Variants in FDFT1 observed in about 807,000 individuals in gnomAD.
The protein encoded by FDFT1 is farnesyl-diphosphate farnesyltransferase 1.
Under a neutral mutation model 46.8 loss-of-function variants are expected in FDFT1, and 68 were observed. The observed-to-expected ratio is 1.45, with a 90% confidence interval of 1.19 to 1.78. The LOEUF (loss-of-function observed/expected upper bound fraction) is 1.78, where lower values mean the gene tolerates loss of function less well. FDFT1 is among the 40% of genes most tolerant of loss of function. The pLI is 0.00. For missense variants in FDFT1, 928 were observed against 524.4 expected, an observed-to-expected ratio of 1.77 and a Z score of -7.52; for synonymous variants, 351 against 185.1, an observed-to-expected ratio of 1.90 and a Z score of -7.28.
chr8:11,836,935 G>A (rs753702315), intron 7 of FDFT1, among the ~76,000 whole-genome samples: 2 of 152,258 alleles, frequency 1.3e-5, no homozygotes, highest in African/African-American at 4.8e-5. Flanking sequence ...GGCTAGGCTG[G>A]AGATAAAAAG....
At chr8:11,815,211 A>G (rs150001620) in intron 3 of FDFT1, among the ~76,000 whole-genome samples, 21,817 of 151,988 alleles carry the variant, frequency 0.14, 1,719 homozygotes, top group African/African-American at 0.18. Flanking sequence ...TCCTTTTTTT[A>G]TGGCTGTGTA....
chr8:11,826,190 G>T lies in FDFT1; in HGVS notation c.677G>T (p.Gly226Val). The change falls in exon 5 of 8, where the codon GGA (glycine) becomes GTA (valine). Residue 226 changes from glycine to valine, a missense_variant. Physicochemically the swap from Gly to Val is moderately radical, Grantham distance 109 (BLOSUM62 -3). Transcript: ENST00000220584. ...IIRDYLEDQQ[G>V]GREFWPQEVW... Reference sequence around the variant, plus strand: ...CGTGACTATCTGGAAGACCAGCAAGGAGGAAGAGAGTTCTGGCCTCAAGAG... The same window carrying T: ...CGTGACTATCTGGAAGACCAGCAAGTAGGAAGAGAGTTCTGGCCTCAAGAG... The T allele has an allele frequency of 6.4e-7, 1 of 1,572,830 alleles. No homozygotes were observed. Among genetic ancestry groups the T allele is most frequent in the Non-Finnish European group, 8.7e-7 (1 of 1,149,904 alleles).
chr8:11,818,943 A>G (rs1313186114), intron 3 of FDFT1, among the ~76,000 whole-genome samples: 1 of 152,158 alleles, frequency 6.6e-6, no homozygotes. Context: ...GTTTCTTCCT[A>G]GCCTCGATGG....
chr8:11,836,702 T>C (rs1231039790), intron 7 of FDFT1, among the ~76,000 whole-genome samples: 6 of 152,260 alleles, frequency 3.9e-5, no homozygotes, highest in Non-Finnish European at 8.8e-5. Context: ...TCTAATAGAA[T>C]TATCTCATCA....
upstream of FDFT1, among the ~76,000 whole-genome samples, chr8:11,801,108 C>T (rs1177722998): frequency 6.6e-6 from 1 of 152,040 alleles, no homozygotes; most frequent in Non-Finnish European, 1.5e-5. Context: ...TCGAGGGGCA[C>T]AGGAGTTAGT....
intron 5 of FDFT1, among the ~76,000 whole-genome samples, chr8:11,828,679 G>A (rs1225549600): frequency 1.3e-5 from 2 of 152,196 alleles, no homozygotes; most frequent in Admixed American, 1.3e-4. Context: ...ACCACACGGT[G>A]GTGGTGTGAA....
Position 11,834,838 on chromosome 8 carries a change from A to G in FDFT1, c.1032+3168A>G, listed in dbSNP as rs533873794. 5.3e-5 allele frequency among the ~76,000 whole-genome samples: 8 copies of G among 152,276 alleles called. 1 individual carries two copies. In the South Asian group the frequency reaches 1.7e-3, roughly 32 times the overall value. On this transcript the variant is annotated intron_variant, in intron 7 of 7. Transcript: ENST00000220584. Reference sequence around the variant, plus strand: ...TTATAGGAGCCTGTGTCATTTAATCATCAAGCCTCGCACTGTGGCTCACAC... The same window carrying G: ...TTATAGGAGCCTGTGTCATTTAATCGTCAAGCCTCGCACTGTGGCTCACAC...
rs575830413 is a variant in FDFT1, at chr8:11,836,333, T to G, written c.1033-2055T>G. ...GCCACTCATCTTGGCCTTCGGCCAC[T>G]GCTGTAGCAACCAGTTTCCAAGTAG... On this transcript the variant is annotated intron_variant, in intron 7 of 7. Coordinates refer to ENST00000220584, the MANE Select transcript of FDFT1 (RefSeq NM_004462.5). Among the ~76,000 whole-genome samples, 238 of 152,358 alleles carry G rather than the reference T, an allele frequency of 1.6e-3. 2 individuals carry two copies. Among genetic ancestry groups the G allele is most frequent in the African/African-American group, 5.6e-3 (234 of 41,580 alleles).
intron 4 of FDFT1, 70 bp downstream of exon 4, chr8:11,821,948 A>C: frequency 5.7e-5 from 88 of 1,554,508 alleles, no homozygotes; most frequent in Non-Finnish European, 6.8e-5. Flanking sequence ...AGTGAAGCTC[A>C]GAACAAGAAA....
In FDFT1 at chr8:11,838,608, G is replaced by T; in HGVS notation, c.1253G>T (p.Ter418LeuextTer6). The change falls in exon 8 of 8, where the codon TGA (stop) becomes TTA (leucine). Residue 418 changes from the stop codon to leucine, a stop_lost. Coordinates refer to ENST00000220584, the MANE Select transcript of FDFT1 (RefSeq NM_004462.5). ...GACTATGTTCAGACTGGAGAACACT[G>T]ATCCCAAATTTGTCCATAGCTGAAG... is the stretch of plus-strand genomic sequence containing the variant. ...TEDYVQTGEH[*>L] The T allele has an allele frequency of 6.2e-7, 1 of 1,611,588 alleles. No individual in the cohort carries two copies. Among genetic ancestry groups the T allele is most frequent in the Non-Finnish European group, 8.5e-7 (1 of 1,177,678 alleles).
chr8:11,814,070 T>G (rs1156965643), intron 3 of FDFT1, among the ~76,000 whole-genome samples: 1 of 152,198 alleles, frequency 6.6e-6, no homozygotes. Flanking sequence ...GAGTCTAAGC[T>G]CCTTCCCACC....
chr8:11,814,300 G>GTTTTT (rs368859890), intron 3 of FDFT1, among the ~76,000 whole-genome samples: 1 of 138,004 alleles, frequency 7.2e-6, no homozygotes, highest in African/African-American at 2.7e-5. Flanking sequence ...GATTTTATAG[G>GTTTTT]TTTTTTTTTT....
chr8:11,803,950 TATTTG>T (rs1158393020), intron 1 of FDFT1: 1 of 152,410 alleles, frequency 6.6e-6, no homozygotes, highest in East Asian at 1.9e-4. Flanking sequence ...GGTGCTACAT[TATTTG>T]AATTATTTTG....
intron 6 of FDFT1, among the ~76,000 whole-genome samples, chr8:11,831,277 T>G (rs1585995044): frequency 6.6e-6 from 1 of 152,254 alleles, no homozygotes; most frequent in Non-Finnish European, 1.5e-5. Flanking sequence ...GGAACTTTTG[T>G]GGCTACATTA....
chr8:11,832,662 T>TC (rs1285748136), intron 7 of FDFT1, among the ~76,000 whole-genome samples: 1 of 147,252 alleles, frequency 6.8e-6, no homozygotes, highest in African/African-American at 2.5e-5. Context: ...TTTGCTCCCC[T>TC]CCCCCCAGAG....
chr8:11,835,053 G>GGT (rs1250811517), intron 7 of FDFT1, among the ~76,000 whole-genome samples: 8 of 152,212 alleles, frequency 5.3e-5, no homozygotes, highest in Admixed American at 3.9e-4. Context: ...GAACTCGGGA[G>GGT]GTGGAGGTTG....
chr8:11,819,214 T>A (rs1808882335), intron 3 of FDFT1, among the ~76,000 whole-genome samples: 2 of 152,348 alleles, frequency 1.3e-5, no homozygotes, highest in South Asian at 4.1e-4. Context: ...TGCTGAGAGA[T>A]CTGCTGTTAG....
chr8:11,801,814 C>G (rs867434280), upstream of FDFT1: 3 of 374,938 alleles, frequency 8.0e-6, no homozygotes, highest in African/African-American at 6.4e-5. Context: ...CTGCCTCAGC[C>G]TCCGGAGTAG....
intron 7 of FDFT1, among the ~76,000 whole-genome samples, chr8:11,832,422 C>G (rs1049350605): frequency 6.6e-6 from 1 of 151,452 alleles, no homozygotes; most frequent in Admixed American, 6.6e-5. Context: ...TGGTGGTGCA[C>G]GCCTGTGGTC....
Sources: allele counts gnomAD v4.1 joint callset (sites outside exome capture counted in the v4.1 genomes callset), GRCh38; gene constraint gnomAD v4.1.1; transcripts MANE v1.5; gene names NCBI Gene and HGNC (gene_info 2026-07-23, HGNC 2026-07-21).